UPP2: variants seen among roughly 807,000 people sequenced by gnomAD.
UPP2 encodes the protein uridine phosphorylase 2.
Under a neutral mutation model 26.7 loss-of-function variants are expected in UPP2, and 23 were observed. That is an observed-to-expected ratio of 0.86 (90% confidence interval 0.62 to 1.22). UPP2 has a LOEUF of 1.22. Ranked by LOEUF, UPP2 falls within the 50% of genes most tolerant of loss-of-function variation. The probability of loss-of-function intolerance (pLI) is 0.00; values close to 1 mark genes in which losing one functional copy is unlikely to be tolerated. For synonymous variants in UPP2, 127 were observed against 141.3 expected (o/e 0.90, Z 0.72); for missense variants, 387 against 396.7 (o/e 0.98, Z 0.21).
chr2:158,018,074 T>C (rs983215145), intron 3 of UPP2, among the ~76,000 whole-genome samples: 11 of 152,192 alleles, frequency 7.2e-5, no homozygotes, highest in Non-Finnish European at 1.3e-4. Flanking sequence ...AGGCATTTCT[T>C]CTCTTTCCCA....
At chr2:157,998,809 A>G (rs1683362585) in intron 2 of UPP2, among the ~76,000 whole-genome samples, 1 of 152,318 alleles carries the variant, frequency 6.6e-6, no homozygotes, top group South Asian at 2.1e-4. Context: ...CAAAAATAAA[A>G]TAAAATAAAA....
chr2:158,012,233 G>A (rs1404777694), intron 2 of UPP2, among the ~76,000 whole-genome samples: 1 of 148,686 alleles, frequency 6.7e-6, no homozygotes, highest in Admixed American at 6.7e-5. Context: ...AAGTTTCAAA[G>A]GTTCAATAAT....
chr2:157,995,622 A>AT (rs199862672), intron 2 of UPP2, among the ~76,000 whole-genome samples: 3 of 151,636 alleles, frequency 2.0e-5, no homozygotes, highest in African/African-American at 7.3e-5. Context: ...TTAATACATA[A>AT]TTTTTAAAAA....
intron 3 of UPP2, among the ~76,000 whole-genome samples, chr2:158,062,215 A>C (rs905808706): frequency 1.3e-5 from 2 of 152,240 alleles, no homozygotes; most frequent in Non-Finnish European, 2.9e-5. Context: ...TGTACAGTGC[A>C]GTAGTCTTGA....
chr2:157,998,732 G>A (rs1683361380), intron 2 of UPP2, among the ~76,000 whole-genome samples: 1 of 152,172 alleles, frequency 6.6e-6, no homozygotes, highest in Non-Finnish European at 1.5e-5. Context: ...GAACCCAGGA[G>A]GTGGAGGTTG....
At chr2:158,026,745 A>C (rs927801835) in intron 3 of UPP2, among the ~76,000 whole-genome samples, 1 of 152,142 alleles carries the variant, frequency 6.6e-6, no homozygotes, top group African/African-American at 2.4e-5. Flanking sequence ...GTATTAGTCC[A>C]TTTTCATGCC....
chr2:158,105,322 T>C (rs1023111002), intron 1 of UPP2, among the ~76,000 whole-genome samples: 3 of 152,130 alleles, frequency 2.0e-5, no homozygotes, highest in African/African-American at 7.2e-5. Flanking sequence ...AGGATTGGTG[T>C]TCTAGCTAGC....
Position 158,135,052 on chromosome 2 carries a change from A to G in UPP2, c.*162A>G, listed in dbSNP as rs1574316734. On this transcript the variant is annotated 3_prime_UTR_variant, in exon 7 of 7. Transcript: ENST00000005756. Reference sequence around the variant, plus strand: ...TCTCTTAAAAAGGAATTTATTGTAAAAGAATACTCACACTAAATTAAATTC... The same window carrying G: ...TCTCTTAAAAAGGAATTTATTGTAAGAGAATACTCACACTAAATTAAATTC... The G allele has an allele frequency of 3.8e-6, 3 of 786,708 alleles. No individual in the cohort carries two copies. The East Asian group carries it at 9.6e-5, about 25-fold the overall frequency. The allele number at this position is 786,708 out of a possible 1,614,324, so 48.7% of individuals were successfully genotyped here. A position where few individuals can be genotyped will look rare whatever the true frequency, so the allele number is the denominator to read the frequency against.
intron 3 of UPP2, among the ~76,000 whole-genome samples, chr2:158,074,726 C>CACACACACACAG (rs1177483314): frequency 6.7e-6 from 1 of 150,334 alleles, no homozygotes; most frequent in African/African-American, 2.4e-5. Context: ...CACACACACA[C>CACACACACACAG]AGAAAAATAA....
intron 3 of UPP2, among the ~76,000 whole-genome samples, chr2:158,031,577 C>A (rs1683921892): frequency 1.3e-5 from 2 of 152,186 alleles, no homozygotes; most frequent in South Asian, 4.1e-4. Flanking sequence ...AGGTTCCGAG[C>A]CAGCTCTATT....
Position 158,074,386 on chromosome 2 carries a change from T to G in UPP2, c.148-27654T>G, listed in dbSNP as rs536644612. The stretch of plus-strand genomic sequence containing the variant: ...CCTTTTCAAGACATAGACATTTCAA[T>G]AAGACATAAAGAGAAGAAAATAAAA... On this transcript the variant is annotated intron_variant, in intron 3 of 9. Coordinates refer to the UPP2 transcript ENST00000605860. 1.0e-3 allele frequency among the ~76,000 whole-genome samples: 153 copies of G among 152,176 alleles called. 6 individuals carry two copies. In the South Asian group the frequency reaches 0.029, roughly 29 times the overall value.
chr2:158,048,818 A>T (rs1425618057), intron 3 of UPP2, among the ~76,000 whole-genome samples: 3 of 152,192 alleles, frequency 2.0e-5, no homozygotes, highest in Non-Finnish European at 2.9e-5. Context: ...TGGCTTGAAA[A>T]GGAGGAAGGC....
upstream of UPP2, among the ~76,000 whole-genome samples, chr2:158,099,085 T>A (rs1288112547): frequency 1.3e-5 from 2 of 152,204 alleles, no homozygotes; most frequent in Non-Finnish European, 2.9e-5. Context: ...AGTATATGTG[T>A]TTTAACATAC....
intron 3 of UPP2, among the ~76,000 whole-genome samples, chr2:158,077,609 T>G (rs1682651200): frequency 6.6e-6 from 1 of 152,050 alleles, no homozygotes; most frequent in Admixed American, 6.6e-5. Context: ...AACTAGACCC[T>G]TATGTCTCAC....
intron 2 of UPP2, among the ~76,000 whole-genome samples, chr2:158,015,210 C>T (rs1343229792): frequency 2.6e-5 from 4 of 152,104 alleles, no homozygotes; most frequent in African/African-American, 9.7e-5. Flanking sequence ...ACAACTAAAA[C>T]TCTATACCCA....
At position 158,038,462 on chromosome 2, in the gene UPP2, T is replaced by G. The variant is rs1383102773; in HGVS notation, c.147+22576T>G. The stretch of plus-strand genomic sequence containing the variant: ...ATACTTTGTAGCACATGTTTGCTAG[T>G]GTTCTTGTAATTTTTCACTGGGCAG... On this transcript the variant is annotated intron_variant, in intron 3 of 9. Coordinates refer to the UPP2 transcript ENST00000605860. Among the ~76,000 whole-genome samples the G allele has an allele frequency of 3.3e-5, 5 of 152,228 alleles. No homozygotes were observed. The South Asian group carries it at 6.2e-4, about 19-fold the overall frequency.
At chr2:157,997,101 C>T (rs1172009605) in intron 2 of UPP2, among the ~76,000 whole-genome samples, 1 of 152,166 alleles carries the variant, frequency 6.6e-6, no homozygotes, top group East Asian at 1.9e-4. Flanking sequence ...TCTTTGGAAA[C>T]TCTGAGGGTA....
chr2:158,068,484 G>A (rs76393842), intron 3 of UPP2, among the ~76,000 whole-genome samples: 4,056 of 152,008 alleles, frequency 0.027, 183 homozygotes, highest in African/African-American at 0.092. Context: ...GCAAATGTTT[G>A]AGAAAAATCA....
At chr2:158,097,379 C>CTA (rs567902944), upstream of UPP2, among the ~76,000 whole-genome samples, 143 of 149,644 alleles carry the variant, frequency 9.6e-4, no homozygotes, top group Middle Eastern at 3.5e-3. Context: ...GTTTCTCTCT[C>CTA]TATATATATA....
Sources: allele counts gnomAD v4.1 joint callset (sites outside exome capture counted in the v4.1 genomes callset), GRCh38; gene constraint gnomAD v4.1.1; transcripts MANE v1.5; gene names NCBI Gene and HGNC (gene_info 2026-07-23, HGNC 2026-07-21).